The following SPAG16 variants were observed in gnomAD, a reference collection of about 807,000 sequenced individuals.
SPAG16 encodes sperm-associated antigen 16 protein.
SPAG16 carries 86 observed loss-of-function variants against 80.4 expected under a neutral mutation model. The ratio of observed to expected loss-of-function variants is 1.07; its 90% CI spans 0.90 to 1.28. The LOEUF is 1.28. Among genes scored for constraint, SPAG16 ranks in the 50% most tolerant of loss-of-function variants. The pLI, the probability that SPAG16 is intolerant of heterozygous loss-of-function variation, is 0.00. For missense variants in SPAG16, 870 were observed against 765.3 expected, an observed-to-expected ratio of 1.14 and a Z score of -1.61; for synonymous variants, 294 against 265.9, an observed-to-expected ratio of 1.11 and a Z score of -1.03.
chr2:213,553,513 CCT>C (rs1465986731), intron 10 of SPAG16, among the ~76,000 whole-genome samples: 4 of 152,120 alleles, frequency 2.6e-5, no homozygotes, highest in African/African-American at 9.7e-5. Context: ...CTTTAACAAT[CCT>C]CTGTTAAAAG....
chr2:213,652,482 T>C (rs978577648), intron 10 of SPAG16, among the ~76,000 whole-genome samples: 1 of 152,108 alleles, frequency 6.6e-6, no homozygotes, highest in Non-Finnish European at 1.5e-5. Context: ...ATTTCCAGAA[T>C]TATTGTGTCT....
intron 10 of SPAG16, among the ~76,000 whole-genome samples, chr2:213,752,398 C>A (rs749434823): frequency 6.6e-6 from 1 of 152,164 alleles, no homozygotes; most frequent in African/African-American, 2.4e-5. Flanking sequence ...TCTTCCCTGA[C>A]CTTTCTCTCC....
intron 10 of SPAG16, among the ~76,000 whole-genome samples, chr2:213,770,965 T>C (rs1423843668): frequency 6.6e-6 from 1 of 152,194 alleles, no homozygotes; most frequent in East Asian, 1.9e-4. Flanking sequence ...TTATATTCCT[T>C]TGGGTATATA....
At chr2:213,550,314 CTTCT>C (rs1359724675) in intron 10 of SPAG16, among the ~76,000 whole-genome samples, 2 of 151,628 alleles carry the variant, frequency 1.3e-5, no homozygotes, top group African/African-American at 2.4e-5. Context: ...AAGTCCTAGT[CTTCT>C]TTCTATTATA....
At chr2:213,700,463 A>T (rs1452616957) in intron 10 of SPAG16, among the ~76,000 whole-genome samples, 1 of 152,154 alleles carries the variant, frequency 6.6e-6, no homozygotes, top group Non-Finnish European at 1.5e-5. Context: ...TGAATATTAC[A>T]ATTTCTTGAG....
At chr2:214,395,861 T>C (rs1050927122) in intron 15 of SPAG16, among the ~76,000 whole-genome samples, 28 of 152,202 alleles carry the variant, frequency 1.8e-4, no homozygotes, top group Admixed American at 1.6e-3. Flanking sequence ...AGACATAATC[T>C]CATTCTTTGT....
intron 9 of SPAG16, among the ~76,000 whole-genome samples, chr2:213,384,806 C>T (rs754267167): frequency 3.9e-5 from 6 of 152,186 alleles, no homozygotes; most frequent in Non-Finnish European, 7.4e-5. Context: ...ACAGATTGAA[C>T]ATTACCACTG....
At chr2:213,508,635 G>C (rs1015718722) in intron 10 of SPAG16, among the ~76,000 whole-genome samples, 4 of 152,108 alleles carry the variant, frequency 2.6e-5, no homozygotes, top group Non-Finnish European at 4.4e-5. Context: ...GATGAAGCTG[G>C]AAACCATCAT....
At chr2:214,103,504 CTCAGACAGCA>C (rs1217569373) in intron 13 of SPAG16, among the ~76,000 whole-genome samples, 1 of 152,166 alleles carries the variant, frequency 6.6e-6, no homozygotes, top group Non-Finnish European at 1.5e-5. Context: ...GAAATTAGAT[CTCAGACAGCA>C]TGAAAAAGGT....
intron 13 of SPAG16, among the ~76,000 whole-genome samples, chr2:214,085,378 C>CAAAAAAAA (rs5838406): frequency 8.3e-6 from 1 of 120,192 alleles, no homozygotes. Flanking sequence ...GATTCCACCT[C>CAAAAAAAA]AAAAAAAAAA....
intron 11 of SPAG16, among the ~76,000 whole-genome samples, chr2:213,881,674 C>G (rs116233230): frequency 0.01 from 1,578 of 152,270 alleles, 35 homozygotes; most frequent in African/African-American, 0.035. Flanking sequence ...ACCATCAGAT[C>G]TCTTGTGAGA....
intron 15 of SPAG16, among the ~76,000 whole-genome samples, chr2:214,391,830 A>G (rs570990254): frequency 6.6e-6 from 1 of 152,186 alleles, no homozygotes; most frequent in Admixed American, 6.6e-5. Context: ...AAGCCCCTAG[A>G]TCTTCTCTCC....
chr2:213,608,316 G>T (rs528012749), intron 10 of SPAG16, among the ~76,000 whole-genome samples: 10 of 151,694 alleles, frequency 6.6e-5, no homozygotes, highest in Non-Finnish European at 1.3e-4. Flanking sequence ...TAATGCTATC[G>T]CTCCCTCCTC....
chr2:213,683,644 T>G (rs115887551), intron 10 of SPAG16, among the ~76,000 whole-genome samples: 126 of 152,338 alleles, frequency 8.3e-4, no homozygotes, highest in Middle Eastern at 3.4e-3. Flanking sequence ...AAATACATTC[T>G]GTTCTTATAT....
intron 10 of SPAG16, among the ~76,000 whole-genome samples, chr2:213,598,901 A>G (rs948975100): frequency 6.6e-6 from 1 of 152,152 alleles, no homozygotes; most frequent in African/African-American, 2.4e-5. Flanking sequence ...TCTGTGGACA[A>G]CCTAGTTACT....
chr2:213,879,689 G>A (rs1397879897), intron 11 of SPAG16, among the ~76,000 whole-genome samples: 1 of 151,970 alleles, frequency 6.6e-6, no homozygotes, highest in Non-Finnish European at 1.5e-5. Flanking sequence ...TTATAGCAGA[G>A]TGTGCTCAAT....
intron 15 of SPAG16, chr2:214,280,834 C>T (rs559755825): frequency 4.6e-5 from 20 of 435,972 alleles, no homozygotes; most frequent in Middle Eastern, 8.3e-4. Flanking sequence ...AGAGTTATGC[C>T]GTTCTTTATA....
Position 213,690,139 on chromosome 2 carries a change from T to A in SPAG16, c.1071-172346T>A, listed in dbSNP as rs1033981108. On this transcript the variant is annotated intron_variant, in intron 10 of 15. Coordinates refer to ENST00000331683, the MANE Select transcript of SPAG16 (RefSeq NM_024532.5). ...TTAGAACATTTATACTGGCTATTTT[T>A]TCTGCTTGAAATGCCCTTTCTTCAG... 2.0e-5 allele frequency among the ~76,000 whole-genome samples: 3 copies of A among 152,262 alleles called. No individual in the cohort carries two copies. The East Asian group carries it at 5.8e-4, about 29-fold the overall frequency.
In SPAG16 at chr2:213,539,001, T is replaced by C. The variant is rs570588895; in HGVS notation, c.1070+48911T>C. On this transcript the variant is annotated intron_variant, in intron 10 of 15. Coordinates refer to ENST00000331683, the MANE Select transcript of SPAG16 (RefSeq NM_024532.5). Reference sequence around the variant, plus strand: ...TGTGACAGTGATCTATAAAAATGCATTTTATTTCATTCAAACTTAAAACTA... The same window carrying C: ...TGTGACAGTGATCTATAAAAATGCACTTTATTTCATTCAAACTTAAAACTA... Among the ~76,000 whole-genome samples the C allele has an allele frequency of 6.6e-5, 10 of 152,240 alleles. No homozygotes were observed. In the South Asian group the frequency reaches 1.0e-3, roughly 16 times the overall value.
Sources: gnomAD v4.1 joint callset for allele counts (sites outside exome capture counted in the v4.1 genomes callset) on GRCh38, gnomAD v4.1.1 for gene constraint, MANE v1.5 for transcripts, NCBI Gene and HGNC (gene_info 2026-07-23, HGNC 2026-07-21) for gene names.